ZNRF1: variants seen among roughly 807,000 people sequenced by gnomAD.
The protein encoded by ZNRF1 is zinc and ring finger 1.
A neutral mutation model predicts 18.4 loss-of-function variants in ZNRF1; 3 were observed. The ratio of observed to expected loss-of-function variants is 0.16; its 90% CI spans 0.07 to 0.42. The LOEUF (loss-of-function observed/expected upper bound fraction) is 0.42, where lower values mean the gene tolerates loss of function less well. Ranked by LOEUF, ZNRF1 falls within the 10% of genes least tolerant of loss-of-function variation. ZNRF1 has a pLI of 0.99. For synonymous variants in ZNRF1, 157 were observed against 144.2 expected, an observed-to-expected ratio of 1.09 and a Z score of -0.64; for missense variants, 310 against 329.8, an observed-to-expected ratio of 0.94 and a Z score of 0.47.
intron 1 of ZNRF1, among the ~76,000 whole-genome samples, chr16:75,079,331 T>A (rs2035981887): frequency 6.6e-6 from 1 of 151,978 alleles, no homozygotes; most frequent in South Asian, 2.1e-4. Context: ...AATACAAAAA[T>A]TCGCTGGGCA....
intron 1 of ZNRF1, among the ~76,000 whole-genome samples, chr16:75,021,274 A>G (rs567574542): frequency 6.6e-6 from 1 of 151,708 alleles, no homozygotes; most frequent in Non-Finnish European, 1.5e-5. Context: ...CCTGACCTCA[A>G]GTGATCCATC....
At chr16:75,096,339 A>G (rs1403496755) in intron 2 of ZNRF1, among the ~76,000 whole-genome samples, 1 of 152,062 alleles carries the variant, frequency 6.6e-6, no homozygotes, top group Non-Finnish European at 1.5e-5. Flanking sequence ...AGAGGAGAGC[A>G]TTTGCTTCCG....
intron 1 of ZNRF1, among the ~76,000 whole-genome samples, chr16:75,090,212 G>A (rs1002880447): frequency 1.2e-4 from 19 of 152,298 alleles, no homozygotes; most frequent in African/African-American, 3.8e-4. Flanking sequence ...TCTGTGAGAC[G>A]CAGGTTTACA....
chr16:75,022,124 G>A (rs535891186), intron 1 of ZNRF1, among the ~76,000 whole-genome samples: 1 of 152,268 alleles, frequency 6.6e-6, no homozygotes, highest in South Asian at 2.1e-4. Context: ...GCATGGTGGT[G>A]GGCACCTGTA....
intron 1 of ZNRF1, among the ~76,000 whole-genome samples, chr16:75,018,393 T>G (rs746004868): frequency 2.3e-4 from 35 of 152,340 alleles, no homozygotes; most frequent in Admixed American, 4.6e-4. Flanking sequence ...TTTCCTCTTT[T>G]GTAATCCTCT....
chr16:75,040,835 T>C (rs2035439254), intron 1 of ZNRF1, among the ~76,000 whole-genome samples: 1 of 152,038 alleles, frequency 6.6e-6, no homozygotes, highest in Admixed American at 6.6e-5. Context: ...CTCGAACTCC[T>C]GACCTCAGGT....
intron 1 of ZNRF1, among the ~76,000 whole-genome samples, chr16:75,033,437 GTTTTT>G (rs55813752): frequency 3.1e-5 from 3 of 98,168 alleles, no homozygotes; most frequent in Non-Finnish European, 6.5e-5. Context: ...GTGTTTTATA[GTTTTT>G]TTTTTTTTTT....
intron 1 of ZNRF1, among the ~76,000 whole-genome samples, chr16:75,069,211 A>C (rs1204477306): frequency 2.0e-5 from 3 of 151,844 alleles, no homozygotes; most frequent in African/African-American, 7.3e-5. Context: ...GTTGCTTTGC[A>C]CATAGACATC....
intron 2 of ZNRF1, among the ~76,000 whole-genome samples, chr16:75,095,914 C>T (rs1334215571): frequency 2.0e-5 from 3 of 152,166 alleles, no homozygotes; most frequent in Non-Finnish European, 4.4e-5. Flanking sequence ...CACCGGGAGC[C>T]GGGCCCCCCT....
At chr16:75,011,640 A>T (rs1380046508) in intron 1 of ZNRF1, among the ~76,000 whole-genome samples, 1 of 152,206 alleles carries the variant, frequency 6.6e-6, no homozygotes, top group African/African-American at 2.4e-5. Flanking sequence ...TATGACTGAA[A>T]CATTCATGCC....
chr16:75,058,329 C>T (rs1237327711), intron 1 of ZNRF1, among the ~76,000 whole-genome samples: 1 of 152,058 alleles, frequency 6.6e-6, no homozygotes, highest in Non-Finnish European at 1.5e-5. Flanking sequence ...TTGAGGTGAG[C>T]TGTTCTCATC....
At chr16:75,035,115 A>G (rs1484696103) in intron 1 of ZNRF1, among the ~76,000 whole-genome samples, 1 of 74,942 alleles carries the variant, frequency 1.3e-5, no homozygotes, top group Admixed American at 1.7e-4. Context: ...TGCAATCCCC[A>G]CCCTCCACCC....
Position 75,092,662 on chromosome 16 carries a change from C to T in ZNRF1, c.425-910C>T, listed in dbSNP as rs141567278. ...ACTCGAAAGATTCTCAACCAAAATT[C>T]TCCAGTATGGGTACAATTCTGTATC... is the stretch of plus-strand genomic sequence containing the variant. On this transcript the variant is annotated intron_variant, in intron 1 of 4. Transcript: ENST00000335325. Among the ~76,000 whole-genome samples, 8 of 152,328 alleles carry T rather than the reference C, an allele frequency of 5.3e-5. No homozygotes were observed. The East Asian group carries it at 1.3e-3, about 26-fold the overall frequency.
chr16:75,051,180 C>A (rs2035598152), intron 1 of ZNRF1, among the ~76,000 whole-genome samples: 1 of 152,036 alleles, frequency 6.6e-6, no homozygotes, highest in African/African-American at 2.4e-5. Context: ...ACAGACCACC[C>A]CCTCCACTAC....
At position 75,106,509 on chromosome 16, in the gene ZNRF1, C is replaced by T. The variant is rs751260945; in HGVS notation, c.654C>T (p.Asn218=). 6.2e-7 allele frequency: 1 copy of T among 1,614,152 alleles called. No homozygotes were observed. The highest frequency in any genetic ancestry group is 8.5e-7 in the Non-Finnish European group (1 of 1,180,034). The change falls in exon 4 of 5, where the codon AAC becomes AAT. Residue 218 remains asparagine, a synonymous_variant. Transcript: ENST00000335325. ...KSCIDSWFEV[N]RSCPEHPAD ...GCATAGACTCGTGGTTTGAAGTGAA[C>T]AGATCTTGTCCGGAACACCCTGCGG...
intron 1 of ZNRF1, among the ~76,000 whole-genome samples, chr16:75,015,958 C>T: frequency 7.0e-6 from 1 of 142,958 alleles, no homozygotes; most frequent in African/African-American, 2.7e-5. Flanking sequence ...GTTGCTCTGT[C>T]CACCCAGGCT....
rs564096028 is a variant in ZNRF1, at chr16:75,019,257, C to T, written c.424+19162C>T. On this transcript the variant is annotated intron_variant, in intron 1 of 4. Transcript: ENST00000335325. The stretch of plus-strand genomic sequence containing the variant: ...AGACTACTGTGTTGCTCAGGCTGGT[C>T]GTGAACTCCCAGTCTCAAGCGATCT... Among the ~76,000 whole-genome samples, 81 of 151,498 alleles carry T rather than the reference C, an allele frequency of 5.3e-4. 1 individual carries two copies. In the South Asian group the frequency reaches 0.016, roughly 31 times the overall value.
Position 75,012,070 on chromosome 16 carries a change from G to A in ZNRF1, c.424+11975G>A, listed in dbSNP as rs188443518. ...CCAGGGGAATTTTTGGTAGCTGTTG[G>A]GGGAGGGATTTGAGTAGGTTGTGGA... is the stretch of plus-strand genomic sequence containing the variant. On this transcript the variant is annotated intron_variant, in intron 1 of 4. Coordinates refer to ENST00000335325, the MANE Select transcript of ZNRF1 (RefSeq NM_032268.5). Among the ~76,000 whole-genome samples, 55 of 152,312 alleles carry A rather than the reference G, an allele frequency of 3.6e-4. No homozygotes were observed. In the East Asian group the frequency reaches 8.9e-3, roughly 25 times the overall value.
At chr16:75,047,316 G>A (rs2035528158) in intron 1 of ZNRF1, among the ~76,000 whole-genome samples, 1 of 152,106 alleles carries the variant, frequency 6.6e-6, no homozygotes, top group African/African-American at 2.4e-5. Flanking sequence ...AGGACTACAG[G>A]TGCATGCCAC....
Sources: allele counts gnomAD v4.1 joint callset (sites outside exome capture counted in the v4.1 genomes callset), GRCh38; gene constraint gnomAD v4.1.1; transcripts MANE v1.5; gene names NCBI Gene and HGNC (gene_info 2026-07-23, HGNC 2026-07-21).